CACNA1E: variants seen among roughly 807,000 people sequenced by gnomAD.
CACNA1E encodes calcium voltage-gated channel subunit alpha1 E, also known as voltage-dependent R-type calcium channel subunit alpha-1E.
Under a neutral mutation model 259.2 loss-of-function variants are expected in CACNA1E, and 40 were observed. The ratio of observed to expected loss-of-function variants is 0.15; its 90% CI spans 0.12 to 0.20. CACNA1E has a LOEUF of 0.20. Among genes scored for constraint, CACNA1E ranks in the 10% least tolerant of loss-of-function variants. The pLI, the probability that CACNA1E is intolerant of heterozygous loss-of-function variation, is 1.00. For missense variants in CACNA1E, 1,874 were observed against 3,040.1 expected, an observed-to-expected ratio of 0.62 and a Z score of 9.02; for synonymous variants, 1,104 against 1,138.5, an observed-to-expected ratio of 0.97 and a Z score of 0.61.
At position 181,651,103 on chromosome 1, in the gene CACNA1E, GT is replaced by G. The variant is rs1323152786; in HGVS notation, c.952-234del. Among the ~76,000 whole-genome samples the G allele has an allele frequency of 2.0e-5, 3 of 152,214 alleles. No homozygotes were observed. In the East Asian group the frequency reaches 5.8e-4, roughly 29 times the overall value. On this transcript the variant is annotated intron_variant, in intron 6 of 47. Coordinates refer to ENST00000367573, the MANE Select transcript of CACNA1E (RefSeq NM_001205293.3). ...TTGTCTTCTCATGTGCTAAGCAAGA[GT>G]GTGAGAATATTCCAACTCAGTATAT...
chr1:181,739,230 C>A lies in CACNA1E; in HGVS notation c.3696C>A (p.Gly1232=). 2.5e-6 allele frequency: 4 copies of A among 1,612,402 alleles called. No homozygotes were observed. Among genetic ancestry groups the A allele is most frequent in the Non-Finnish European group, 3.4e-6 (4 of 1,178,468 alleles). Residue 1232 remains glycine, a synonymous_variant, in exon 25 of 48, where the codon GGC becomes GGA. Coordinates refer to ENST00000367573, the MANE Select transcript of CACNA1E (RefSeq NM_001205293.3). ...TCCTGGACTTTGTGGTGGTCGTTGG[C>A]GCATTGGTGGCCTTTGCTCTGGCGT... ...WNILDFVVVV[G]ALVAFALANA... is the part of the protein sequence containing the mutation.
chr1:181,566,966 G>T (rs1301449133), intron 3 of CACNA1E, among the ~76,000 whole-genome samples: 1 of 152,100 alleles, frequency 6.6e-6, no homozygotes, highest in African/African-American at 2.4e-5. Flanking sequence ...AGAGGCCAGA[G>T]ATGCTGCTAA....
chr1:181,688,131 A>G (rs1300017617), intron 7 of CACNA1E, among the ~76,000 whole-genome samples: 5 of 152,214 alleles, frequency 3.3e-5, no homozygotes, highest in Non-Finnish European at 1.5e-5. Flanking sequence ...AGCTTAAGTG[A>G]TAGAACATTA....
intron 2 of CACNA1E, among the ~76,000 whole-genome samples, chr1:181,449,348 G>A (rs571802920): frequency 1.6e-4 from 24 of 152,246 alleles, no homozygotes; most frequent in Admixed American, 1.4e-3. Context: ...ACATATATGT[G>A]TGCTCACATA....
chr1:181,523,806 A>G (rs1667159120), intron 3 of CACNA1E, among the ~76,000 whole-genome samples: 1 of 152,222 alleles, frequency 6.6e-6, no homozygotes. Flanking sequence ...TGTATGCCCC[A>G]TTTTGCCTGT....
At position 181,733,497 on chromosome 1, in the gene CACNA1E, C is replaced by T. The variant is rs374070066; in HGVS notation, c.3009C>T (p.Asp1003=). ...SGLAGGLDEA[D]TPLVLPHPEL... is the part of the protein sequence containing the mutation. ...TGGCAGGAGGCCTTGATGAGGCTGA[C>T]ACCCCCCTAGTCCTGCCCCATCCTG... The change falls in exon 21 of 48, where the codon GAC becomes GAT. Residue 1003 remains aspartate (D), a synonymous_variant. Transcript: ENST00000367573. 10 of 1,590,234 alleles carry T rather than the reference C, an allele frequency of 6.3e-6. No homozygotes were observed. The highest frequency in any genetic ancestry group is 1.3e-5 in the African/African-American group (1 of 74,294).
At chr1:181,469,112 G>A (rs1319606171) in intron 2 of CACNA1E, among the ~76,000 whole-genome samples, 2 of 151,920 alleles carry the variant, frequency 1.3e-5, no homozygotes, top group Non-Finnish European at 2.9e-5. Context: ...TTGTACAAGC[G>A]CTTCAATTTT....
intron 18 of CACNA1E, among the ~76,000 whole-genome samples, chr1:181,728,919 T>C (rs537384310): frequency 1.1e-5 from 1 of 92,278 alleles, no homozygotes; most frequent in South Asian, 5.2e-4. Flanking sequence ...TGCACAGATG[T>C]GTGAACATTG....
At chr1:181,406,803 C>T (rs1050897880) in intron 1 of CACNA1E, among the ~76,000 whole-genome samples, 3 of 151,910 alleles carry the variant, frequency 2.0e-5, no homozygotes, top group Non-Finnish European at 1.5e-5. Flanking sequence ...AGCTTCAGAG[C>T]GTAGGCTCCT....
chr1:181,519,455 G>A (rs1161407064), intron 3 of CACNA1E, among the ~76,000 whole-genome samples: 1 of 152,154 alleles, frequency 6.6e-6, no homozygotes, highest in Non-Finnish European at 1.5e-5. Flanking sequence ...GATGTTGAGA[G>A]GAAAATGAGG....
At position 181,796,680 on chromosome 1, in the gene CACNA1E, A is replaced by T; in HGVS notation, c.6221A>T (p.Asp2074Val). 5.0e-6 allele frequency: 8 copies of T among 1,598,622 alleles called. No homozygotes were observed. The highest frequency in any genetic ancestry group is 6.8e-6 in the Non-Finnish European group (8 of 1,169,424). Residue 2074 changes from aspartate to valine, a missense_variant, in exon 47 of 48, where the codon GAC becomes GTC. Physicochemically the swap from Asp to Val is radical, Grantham distance 152 (BLOSUM62 -3). Around this residue, in one of 14 missense-constraint regions of CACNA1E, gnomAD observed 542 missense variants for 587.2 expected, o/e 0.92. Transcript: ENST00000367573. ...RLNSDSGHKS[D>V]THRSGGRERG... ...TCACCTCTCACAGGCCACAAGTCTG[A>T]CACTCACCGCTCAGGGGGCAGGGAG... is the stretch of plus-strand genomic sequence containing the variant.
chr1:181,620,968 A>G (rs1655669351), intron 6 of CACNA1E, among the ~76,000 whole-genome samples: 1 of 152,212 alleles, frequency 6.6e-6, no homozygotes, highest in Non-Finnish European at 1.5e-5. Flanking sequence ...CAAGATGGAA[A>G]GACACTCCAG....
intron 6 of CACNA1E, among the ~76,000 whole-genome samples, chr1:181,643,932 A>G (rs1050272125): frequency 6.6e-6 from 1 of 152,144 alleles, no homozygotes; most frequent in Non-Finnish European, 1.5e-5. Context: ...GGGGAGACTT[A>G]GTATGTTTAT....
intron 3 of CACNA1E, among the ~76,000 whole-genome samples, chr1:181,524,571 G>A (rs1314967063): frequency 1.3e-5 from 2 of 152,232 alleles, no homozygotes; most frequent in African/African-American, 4.8e-5. Context: ...GTCCTGAACA[G>A]TGCTCCTGGC....
Position 181,758,944 on chromosome 1 carries a change from A to T in CACNA1E, c.4605+76A>T. 2.4e-6 allele frequency: 2 copies of T among 819,252 alleles called. No individual in the cohort carries two copies. Among genetic ancestry groups the T allele is most frequent in the Non-Finnish European group, 4.1e-6 (2 of 483,338 alleles). The allele number at this position is 819,252 out of a possible 1,614,324, so 50.7% of individuals were successfully genotyped here. ...GCCTTCCCAGTCTTTGTTGAAGGGG[A>T]GGTGGTTACTGCTATTCCAGAAATC... On this transcript the variant is annotated intron_variant, in intron 32 of 47. Transcript: ENST00000367573. This position sits in a 1 kb window ranked among gnomAD's most constrained non-coding sequence, Gnocchi z 4.2.
chr1:181,569,787 T>A lies in CACNA1E; in HGVS notation c.513-7979T>A, dbSNP rs191424462. On this transcript the variant is annotated intron_variant, in intron 3 of 47. Coordinates refer to ENST00000367573, the MANE Select transcript of CACNA1E (RefSeq NM_001205293.3). ...AAGGGCATTTCTAGAGCATTACTGTTGCATATTGTTCCAGAAGGAGCCATA... is the reference window on the plus strand; with the variant it reads ...AAGGGCATTTCTAGAGCATTACTGTAGCATATTGTTCCAGAAGGAGCCATA... 1.7e-3 allele frequency among the ~76,000 whole-genome samples: 259 copies of A among 152,336 alleles called. 2 individuals are homozygous for A. The highest frequency in any genetic ancestry group is 2.5e-3 in the Non-Finnish European group (168 of 68,030).
At chr1:181,554,552 G>A (rs1168628702) in intron 3 of CACNA1E, among the ~76,000 whole-genome samples, 6 of 152,180 alleles carry the variant, frequency 3.9e-5, no homozygotes, top group Non-Finnish European at 8.8e-5. Flanking sequence ...GAAATCTCAT[G>A]CTAATTCCTA....
intron 42 of CACNA1E, 77 bp from the exon 43 acceptor site, chr1:181,785,636 A>C (rs1245037339): frequency 2.0e-6 from 2 of 1,009,956 alleles, no homozygotes; most frequent in Non-Finnish European, 3.2e-6. Context: ...TGTATTATCC[A>C]TGTTAATTTT....
chr1:181,481,415 AGGGCC>A, upstream of CACNA1E, among the ~76,000 whole-genome samples: 1 of 152,112 alleles, frequency 6.6e-6, no homozygotes, highest in Non-Finnish European at 1.5e-5. Context: ...CAGTGCTCAC[AGGGCC>A]TTGCCCACAG....
Sources: gnomAD v4.1 joint callset for allele counts (sites outside exome capture counted in the v4.1 genomes callset) on GRCh38, gnomAD v4.1.1 for gene constraint, gnomAD v4.1.1 regional missense constraint, Gnocchi (gnomAD v3.1) non-coding constraint, MANE v1.5 for transcripts, NCBI Gene and HGNC (gene_info 2026-07-23, HGNC 2026-07-21) for gene names.